The following SGIP1 variants were observed in gnomAD, a reference collection of about 807,000 sequenced individuals.
The protein encoded by SGIP1 is SH3-containing GRB2-like protein 3-interacting protein 1.
A neutral mutation model predicts 107.5 loss-of-function variants in SGIP1; 38 were observed. That is an observed-to-expected ratio of 0.35 (90% CI 0.27 to 0.46). The LOEUF is 0.46. SGIP1 is among the 20% of genes least tolerant of loss of function. The pLI is 1.00. For missense variants in SGIP1, 929 were observed against 1,019.5 expected, an observed-to-expected ratio of 0.91 and a Z score of 1.21; for synonymous variants, 365 against 366.1, an observed-to-expected ratio of 1.00 and a Z score of 0.03.
intron 2 of SGIP1, among the ~76,000 whole-genome samples, chr1:66,632,200 T>C (rs2149390541): frequency 6.6e-6 from 1 of 152,354 alleles, no homozygotes; most frequent in East Asian, 1.9e-4. Flanking sequence ...AGAGGTTAAG[T>C]GTTCAAGGTC....
intron 1 of SGIP1, among the ~76,000 whole-genome samples, chr1:66,607,973 T>A (rs1157839888): frequency 6.6e-6 from 1 of 152,196 alleles, no homozygotes. Flanking sequence ...AAAGATCTTG[T>A]GAGCTGAGTT....
chr1:66,652,146 C>T (rs1021569921), intron 7 of SGIP1, among the ~76,000 whole-genome samples: 4 of 151,172 alleles, frequency 2.6e-5, no homozygotes, highest in Non-Finnish European at 4.4e-5. Context: ...TTCCTCAACT[C>T]GGAGCTTCAG....
chr1:66,586,439 G>GT (rs998040206), intron 1 of SGIP1, among the ~76,000 whole-genome samples: 10 of 151,966 alleles, frequency 6.6e-5, no homozygotes, highest in Non-Finnish European at 1.0e-4. Flanking sequence ...ACTTGAACAT[G>GT]TTTTTTCAGA....
At chr1:66,732,047 T>C (rs899236272) in intron 20 of SGIP1, among the ~76,000 whole-genome samples, 1 of 152,194 alleles carries the variant, frequency 6.6e-6, no homozygotes, top group Non-Finnish European at 1.5e-5. Context: ...GCAGGTTCTC[T>C]AAGAAATTAT....
At chr1:66,730,003 T>C (rs1246775562) in intron 20 of SGIP1, among the ~76,000 whole-genome samples, 1 of 152,108 alleles carries the variant, frequency 6.6e-6, no homozygotes, top group African/African-American at 2.4e-5. Flanking sequence ...GGTTTCGCCA[T>C]GTTGGCCAGG....
At chr1:66,596,557 A>C (rs1558016414) in intron 1 of SGIP1, among the ~76,000 whole-genome samples, 1 of 151,960 alleles carries the variant, frequency 6.6e-6, no homozygotes, top group South Asian at 2.1e-4. Flanking sequence ...AGGAAAGCAC[A>C]TCAAAGGGGA....
intron 1 of SGIP1, among the ~76,000 whole-genome samples, chr1:66,609,776 T>C (rs2067574504): frequency 6.6e-6 from 1 of 152,226 alleles, no homozygotes; most frequent in Non-Finnish European, 1.5e-5. Flanking sequence ...AACTTTTGAA[T>C]TCAGCATATA....
intron 1 of SGIP1, among the ~76,000 whole-genome samples, chr1:66,610,089 C>T (rs2067660609): frequency 6.6e-6 from 1 of 152,076 alleles, no homozygotes. Flanking sequence ...AAATGTGAGT[C>T]AGATTTTCAG....
chr1:66,750,042 T>G lies in SGIP1; in HGVS notation c.*6947T>G, dbSNP rs778467893. Among the ~76,000 whole-genome samples, 25,156 of 134,142 alleles carry G rather than the reference T, an allele frequency of 0.19. 2,458 individuals carry two copies. Among genetic ancestry groups the G allele is most frequent in the Non-Finnish European group, 0.25 (15,428 of 61,682 alleles). The allele number at this position is 134,142 out of a possible 152,430, so 88.0% of individuals were successfully genotyped here. ...TTCTCTGTGTGTGTGTGGGGGTGTG[T>G]GTGTGTGTGTGTGTGTGTGTGTGTG... On this transcript the variant is annotated 3_prime_UTR_variant, in exon 25 of 25. Transcript: ENST00000371037.
At chr1:66,706,170 G>T (rs1471929183) in intron 18 of SGIP1, among the ~76,000 whole-genome samples, 4 of 151,092 alleles carry the variant, frequency 2.6e-5, no homozygotes. Context: ...TACTGTTTTT[G>T]GTAAAATCTG....
At chr1:66,573,429 A>ATCAGT (rs2060648222) in intron 1 of SGIP1, among the ~76,000 whole-genome samples, 1 of 152,168 alleles carries the variant, frequency 6.6e-6, no homozygotes, top group Non-Finnish European at 1.5e-5. Flanking sequence ...AAGGAATATA[A>ATCAGT]ATTATTCTAT....
chr1:66,607,763 T>G (rs1252033595), intron 1 of SGIP1, among the ~76,000 whole-genome samples: 1 of 152,190 alleles, frequency 6.6e-6, no homozygotes, highest in Non-Finnish European at 1.5e-5. Flanking sequence ...TAGCACTTGG[T>G]GGAAAGGGGA....
intron 19 of SGIP1, 39 bp from the exon 20 acceptor site, chr1:66,729,225 A>AT (rs1289178769): frequency 1.3e-6 from 2 of 1,581,684 alleles, no homozygotes; most frequent in Admixed American, 3.5e-5. Flanking sequence ...ATTGACATGG[A>AT]TTTTCTCTCT....
intron 19 of SGIP1, among the ~76,000 whole-genome samples, chr1:66,721,447 T>C (rs2093527818): frequency 6.6e-6 from 1 of 152,162 alleles, no homozygotes; most frequent in Non-Finnish European, 1.5e-5. Flanking sequence ...CTCACTTTTT[T>C]GCCCAGGCTG....
At chr1:66,535,077 C>G (rs2053276366) in intron 1 of SGIP1, among the ~76,000 whole-genome samples, 1 of 152,204 alleles carries the variant, frequency 6.6e-6, no homozygotes, top group Admixed American at 6.5e-5. Context: ...TGCTGATGAT[C>G]TTTTCGCATA....
At chr1:66,596,628 G>T (rs2064768638) in intron 1 of SGIP1, among the ~76,000 whole-genome samples, 1 of 151,148 alleles carries the variant, frequency 6.6e-6, no homozygotes, top group Admixed American at 6.6e-5. Context: ...TCTTCTGCTT[G>T]GTGGTGGGAT....
At chr1:66,554,494 A>G (rs2057897271) in intron 1 of SGIP1, among the ~76,000 whole-genome samples, 1 of 152,104 alleles carries the variant, frequency 6.6e-6, no homozygotes, top group African/African-American at 2.4e-5. Flanking sequence ...TAAAATGTGA[A>G]AATTTTTGAG....
At chr1:66,695,032 C>G (rs1035001862) in intron 17 of SGIP1, 3 of 326,968 alleles carry the variant, frequency 9.2e-6, no homozygotes, top group Non-Finnish European at 1.1e-5. Context: ...CTGAGTTTAT[C>G]TTTTTGGAAA....
At chr1:66,627,158 G>T (rs931179893) in intron 2 of SGIP1, among the ~76,000 whole-genome samples, 1 of 152,164 alleles carries the variant, frequency 6.6e-6, no homozygotes, top group Non-Finnish European at 1.5e-5. Context: ...ACACAAATTA[G>T]TATGTGTAAG....
Sources: allele counts gnomAD v4.1 joint callset (sites outside exome capture counted in the v4.1 genomes callset), GRCh38; gene constraint gnomAD v4.1.1; transcripts MANE v1.5; gene names NCBI Gene and HGNC (gene_info 2026-07-23, HGNC 2026-07-21).